EOGT: variants seen among roughly 807,000 people sequenced by gnomAD.
EOGT encodes EGF domain specific O-linked N-acetylglucosamine transferase, also known as EGF domain-specific O-linked N-acetylglucosamine transferase.
EOGT carries 55 observed loss-of-function variants against 70.5 expected under a neutral mutation model. The observed-to-expected ratio is 0.78, with a 90% CI of 0.63 to 0.98. EOGT has a LOEUF of 0.98. Among genes scored for constraint, EOGT ranks in the 50% least tolerant of loss-of-function variants. The pLI, the probability that EOGT is intolerant of heterozygous loss-of-function variation, is 0.00. For missense variants in EOGT, 703 were observed against 641.9 expected (o/e 1.10, Z -1.03); for synonymous variants, 246 against 217.1 (o/e 1.13, Z -1.17).
rs369712500 is a variant in EOGT, at chr3:68,986,778, C to G, written c.1152+667G>C. On this transcript the variant is annotated intron_variant, in intron 14 of 17. Transcript: ENST00000383701. ...CTTACTTCTTATCTGTCTCTCACCT[C>G]TACGGTGTAAGCTCCATGAGGTCAG... Among the ~76,000 whole-genome samples, 13 of 152,328 alleles carry G rather than the reference C, an allele frequency of 8.5e-5. No individual in the cohort carries two copies. In the South Asian group the frequency reaches 2.5e-3, roughly 29 times the overall value.
At chr3:68,996,683 A>G (rs530846936) in intron 10 of EOGT, among the ~76,000 whole-genome samples, 18 of 152,280 alleles carry the variant, frequency 1.2e-4, no homozygotes, top group Admixed American at 7.2e-4. Flanking sequence ...GTGCTGTGTG[A>G]ACTGCTAGCA....
At position 68,977,560 on chromosome 3, in the gene EOGT, C is replaced by G; in HGVS notation, c.*58G>C. 1 of 1,563,616 alleles carries G rather than the reference C, an allele frequency of 6.4e-7. No individual in the cohort carries two copies. The highest frequency in any genetic ancestry group is 2.3e-5 in the East Asian group (1 of 44,342). ...AACAGATTGCTTTACTGATTTAATT[C>G]TAAGTCTGGGTGTTGGAGTGTTTAA... is the stretch of plus-strand genomic sequence containing the variant. On this transcript the variant is annotated 3_prime_UTR_variant, in exon 18 of 18. Coordinates refer to ENST00000383701, the MANE Select transcript of EOGT (RefSeq NM_001278689.2).
intron 10 of EOGT, among the ~76,000 whole-genome samples, chr3:68,991,473 G>C (rs774913839): frequency 1.3e-4 from 20 of 152,180 alleles, no homozygotes; most frequent in Admixed American, 4.6e-4. Context: ...AAATGTGATG[G>C]GGGGTGGAGT....
chr3:69,010,077 G>A (rs2091539786), intron 3 of EOGT, among the ~76,000 whole-genome samples: 1 of 152,144 alleles, frequency 6.6e-6, no homozygotes, highest in African/African-American at 2.4e-5. Context: ...GTATACAGAG[G>A]TGAACAAAAC....
intron 10 of EOGT, among the ~76,000 whole-genome samples, chr3:68,991,754 C>T (rs559432300): frequency 6.6e-6 from 1 of 152,264 alleles, no homozygotes; most frequent in South Asian, 2.1e-4. Flanking sequence ...CTGTATTAGC[C>T]AGTTTTCACA....
At chr3:68,977,788 A>G (rs2090514019) in intron 17 of EOGT, 24 bp from the exon 18 acceptor site, 3 of 1,599,912 alleles carry the variant, frequency 1.9e-6, no homozygotes, top group African/African-American at 2.7e-5. Context: ...CCAAAACACG[A>G]ATCCATAACT....
chr3:69,006,054 G>A (rs939354010), intron 6 of EOGT, among the ~76,000 whole-genome samples: 5 of 152,184 alleles, frequency 3.3e-5, no homozygotes, highest in Admixed American at 6.5e-5. Flanking sequence ...AAGCTACCCA[G>A]TCTATGGTAT....
intron 16 of EOGT, 89 bp from the exon 17 acceptor site, chr3:68,978,524 A>G: frequency 1.3e-6 from 1 of 790,396 alleles, no homozygotes; most frequent in South Asian, 1.8e-5. Flanking sequence ...GCAGCTCCCA[A>G]ATATGTCCTT....
chr3:68,998,835 T>TTA (rs1553669952), intron 9 of EOGT, among the ~76,000 whole-genome samples: 3 of 110,006 alleles, frequency 2.7e-5, no homozygotes, highest in Non-Finnish European at 5.3e-5. Context: ...AGACTCTGTC[T>TTA]AAAAAAAAAA....
intron 13 of EOGT, chr3:68,987,962 G>A (rs1023189758): frequency 2.3e-5 from 8 of 354,112 alleles, no homozygotes; most frequent in Admixed American, 1.4e-4. Context: ...TCGCCCAGGC[G>A]GGAGTGCAGT....
In EOGT at chr3:68,979,765, G is replaced by A. The variant is rs115592862; in HGVS notation, c.1237C>T (p.Leu413=). ...ATGTCCGTGTTGTGTGTGATCCTTA[G>A]TTGATCTAAAAACCCAAGTTCTCTG... The part of the protein sequence containing the change: ...KYRELGFLDQ[L]RITHNTDIFI... Residue 413 remains leucine, a synonymous_variant, in exon 16 of 18, where the codon CTA becomes TTA. Transcript: ENST00000383701. 960 of 1,613,530 alleles carry A rather than the reference G, an allele frequency of 5.9e-4. 7 individuals carry two copies. In the African/African-American group the frequency reaches 0.011, roughly 19 times the overall value.
rs1256771332 is a variant in EOGT, at chr3:68,989,025, T to C, written c.832-8A>G. ...ACCATATCCGTAAGAACTCTGAAAG[T>C]AGAAACAAAACAAGGTTTTAGGGCA... On this transcript the variant is annotated splice_region_variant and splice_polypyrimidine_tract_variant and intron_variant, in intron 10 of 17. Transcript: ENST00000383701. 1.0e-5 allele frequency: 15 copies of C among 1,489,726 alleles called. No individual in the cohort carries two copies. Among genetic ancestry groups the C allele is most frequent in the South Asian group, 1.2e-5 (1 of 80,856 alleles). The allele number at this position is 1,489,726 out of a possible 1,614,324, so 92.3% of individuals were successfully genotyped here.
chr3:68,977,611 A>G lies in EOGT; in HGVS notation c.*7T>C. On this transcript the variant is annotated 3_prime_UTR_variant, in exon 18 of 18. Coordinates refer to ENST00000383701, the MANE Select transcript of EOGT (RefSeq NM_001278689.2). ...ACACTCTCTTTTTGCAAACAGACTC[A>G]GCATATTTATAGCTCATCATGTTTC... The G allele has an allele frequency of 6.2e-7, 1 of 1,613,698 alleles. No individual in the cohort carries two copies. Among genetic ancestry groups the G allele is most frequent in the Non-Finnish European group, 8.5e-7 (1 of 1,179,832 alleles).
chr3:69,013,590 C>A lies in EOGT; in HGVS notation c.-372G>T, dbSNP rs528250315. ...GAGTCCCACCTGGAGCCGGGGCAGC[C>A]GTGAACTACCGAGGAGGAGGCGGAG... On this transcript the variant is annotated 5_prime_UTR_variant, in exon 1 of 18. Transcript: ENST00000383701. 6.5e-6 allele frequency: 1 copy of A among 153,914 alleles called. No homozygotes were observed. The highest frequency in any genetic ancestry group is 6.5e-5 in the Admixed American group (1 of 15,278). The allele number at this position is 153,914 out of a possible 1,614,324, so 9.5% of individuals were successfully genotyped here.
At chr3:68,985,525 G>C (rs1196312542) in intron 14 of EOGT, among the ~76,000 whole-genome samples, 1 of 152,084 alleles carries the variant, frequency 6.6e-6, no homozygotes, top group Non-Finnish European at 1.5e-5. Flanking sequence ...CAAGTTAAAA[G>C]CCTCAAGTCA....
rs557002629 is a variant in EOGT, at chr3:68,993,921, G to GCC, written c.831+4088_831+4089dup. On this transcript the variant is annotated intron_variant, in intron 10 of 17. Coordinates refer to ENST00000383701, the MANE Select transcript of EOGT (RefSeq NM_001278689.2). The stretch of plus-strand genomic sequence containing the variant: ...CACAAGAATAACACAGGAAAGACTG[G>GCC]CCCCCAGGATTCAATTACCTCCCCC... Among the ~76,000 whole-genome samples, 6 of 152,158 alleles carry GCC rather than the reference G, an allele frequency of 3.9e-5. No homozygotes were observed. In the South Asian group the frequency reaches 1.2e-3, roughly 32 times the overall value.
chr3:68,998,098 G>T lies in EOGT; in HGVS notation c.744C>A (p.His248Gln). Reference sequence around the variant, plus strand: ...AAAGATTGATGAAATCACAGAAGTGGTGATACATGTTAACACCTAGTGTTG... The same window carrying T: ...AAAGATTGATGAAATCACAGAAGTGTTGATACATGTTAACACCTAGTGTTG... ...MKLDAGVNMY[H>Q]HFCDFINLYI... The change falls in exon 10 of 18, where the codon CAC becomes CAA. Residue 248 changes from histidine (H) to glutamine (Q), a missense_variant. His to Gln is a conservative substitution (Grantham distance 24, BLOSUM62 0). Coordinates refer to ENST00000383701, the MANE Select transcript of EOGT (RefSeq NM_001278689.2). 6.3e-7 allele frequency: 1 copy of T among 1,586,728 alleles called. No homozygotes were observed. The highest frequency in any genetic ancestry group is 8.6e-7 in the Non-Finnish European group (1 of 1,161,012).
intron 10 of EOGT, among the ~76,000 whole-genome samples, chr3:68,991,890 G>C (rs13079898): frequency 3.9e-4 from 59 of 152,182 alleles, no homozygotes; most frequent in Non-Finnish European, 7.8e-4. Flanking sequence ...CATGGCAGCG[G>C]CAAGAGAAAA....
At chr3:69,004,965 A>C (rs2091400335) in intron 7 of EOGT, among the ~76,000 whole-genome samples, 175 bp downstream of exon 7, 1 of 151,736 alleles carries the variant, frequency 6.6e-6, no homozygotes, top group South Asian at 2.1e-4. Flanking sequence ...GAGAGGCTCA[A>C]GTGGGAGGAT....
Sources: allele counts gnomAD v4.1 joint callset (sites outside exome capture counted in the v4.1 genomes callset), GRCh38; gene constraint gnomAD v4.1.1; transcripts MANE v1.5; gene names NCBI Gene and HGNC (gene_info 2026-07-23, HGNC 2026-07-21).